CAMK1D: variants seen among roughly 807,000 people sequenced by gnomAD.
CAMK1D encodes the protein calcium/calmodulin dependent protein kinase ID.
CAMK1D carries 9 observed loss-of-function variants against 47.7 expected under a neutral mutation model. The observed-to-expected ratio is 0.19, with a 90% CI of 0.11 to 0.33. The LOEUF (loss-of-function observed/expected upper bound fraction) is 0.33. Among genes scored for constraint, CAMK1D ranks in the 10% least tolerant of loss-of-function variants. The pLI is 1.00. For missense variants in CAMK1D, 291 were observed against 488.7 expected, an observed-to-expected ratio of 0.60 and a Z score of 3.81; for synonymous variants, 184 against 184.9, an observed-to-expected ratio of 0.99 and a Z score of 0.04.
intron 1 of CAMK1D, among the ~76,000 whole-genome samples, chr10:12,419,317 G>A (rs1487672381): frequency 6.6e-6 from 1 of 152,058 alleles, no homozygotes; most frequent in African/African-American, 2.4e-5. Flanking sequence ...TGGGAGCCTG[G>A]GGCCACGGAA....
intron 2 of CAMK1D, among the ~76,000 whole-genome samples, chr10:12,591,266 T>TA (rs1837986481): frequency 6.6e-6 from 1 of 152,220 alleles, no homozygotes; most frequent in Non-Finnish European, 1.5e-5. Context: ...ATAACCCCTG[T>TA]AGCAATTGGC....
At chr10:12,790,528 C>T (rs535302121) in intron 5 of CAMK1D, among the ~76,000 whole-genome samples, 9 of 152,252 alleles carry the variant, frequency 5.9e-5, no homozygotes, top group South Asian at 4.1e-4. Flanking sequence ...GTGCTTAGTA[C>T]GGCACTGCCA....
chr10:12,380,749 A>C (rs992884028), intron 1 of CAMK1D, among the ~76,000 whole-genome samples: 1 of 152,120 alleles, frequency 6.6e-6, no homozygotes, highest in Non-Finnish European at 1.5e-5. Flanking sequence ...CCAGCTACTC[A>C]TCAGGCTGAG....
chr10:12,510,512 C>CCA, intron 1 of CAMK1D, among the ~76,000 whole-genome samples: 1 of 152,356 alleles, frequency 6.6e-6, no homozygotes, highest in South Asian at 2.1e-4. Context: ...CTTTTACCTA[C>CCA]CACACAAACA....
intron 3 of CAMK1D, among the ~76,000 whole-genome samples, chr10:12,723,582 C>G (rs1834489045): frequency 6.6e-6 from 1 of 152,148 alleles, no homozygotes; most frequent in African/African-American, 2.4e-5. Flanking sequence ...GTAAGCTCAT[C>G]ACTAATCAGC....
At chr10:12,417,633 C>T (rs1839899787) in intron 1 of CAMK1D, among the ~76,000 whole-genome samples, 1 of 152,110 alleles carries the variant, frequency 6.6e-6, no homozygotes. Flanking sequence ...GTTTCCTCTA[C>T]CTCCTGGCTC....
chr10:12,691,411 ATATATATATATTTTTTTTTTTTTTT>A (rs1832915460), intron 3 of CAMK1D, among the ~76,000 whole-genome samples: 1 of 2,174 alleles, frequency 4.6e-4, no homozygotes, highest in African/African-American at 1.9e-3. Context: ...ATAAATATAT[ATATATATATATTTTTTTTTTTTTTT>A]TTTTTTTTTT....
intron 2 of CAMK1D, among the ~76,000 whole-genome samples, chr10:12,556,997 G>A (rs1307692279): frequency 6.6e-6 from 1 of 152,182 alleles, no homozygotes; most frequent in Admixed American, 6.5e-5. Flanking sequence ...GATTCGGAAG[G>A]AATGGGGAGA....
intron 1 of CAMK1D, among the ~76,000 whole-genome samples, chr10:12,523,299 G>C (rs899188397): frequency 6.6e-6 from 1 of 150,596 alleles, no homozygotes; most frequent in Non-Finnish European, 1.5e-5. Flanking sequence ...CTTCTCAGAC[G>C]ATGGGCGGCC....
chr10:12,429,141 A>C (rs1840352962), intron 1 of CAMK1D, among the ~76,000 whole-genome samples: 3 of 151,376 alleles, frequency 2.0e-5, no homozygotes, highest in East Asian at 1.9e-4. Flanking sequence ...CACCCCTGCC[A>C]CTCTGGCTTG....
At chr10:12,418,550 G>T (rs1176182213) in intron 1 of CAMK1D, among the ~76,000 whole-genome samples, 1 of 152,176 alleles carries the variant, frequency 6.6e-6, no homozygotes, top group East Asian at 1.9e-4. Flanking sequence ...TGAGGCTGCA[G>T]TGAGCTAGGA....
intron 1 of CAMK1D, among the ~76,000 whole-genome samples, chr10:12,501,844 C>T (rs1834714168): frequency 1.0e-5 from 1 of 98,134 alleles, no homozygotes. Flanking sequence ...TGGTATGTCT[C>T]AAGGGTGTGG....
chr10:12,562,988 A>G (rs1263266340), intron 2 of CAMK1D, among the ~76,000 whole-genome samples: 1 of 152,224 alleles, frequency 6.6e-6, no homozygotes, highest in East Asian at 1.9e-4. Flanking sequence ...TAGTTCTCCA[A>G]AGAAACAGAA....
At chr10:12,448,887 T>C (rs1832999527) in intron 1 of CAMK1D, among the ~76,000 whole-genome samples, 2 of 149,318 alleles carry the variant, frequency 1.3e-5, no homozygotes, top group African/African-American at 4.9e-5. Flanking sequence ...TAGGGCTCCG[T>C]GGTTTTGGTG....
intron 1 of CAMK1D, among the ~76,000 whole-genome samples, chr10:12,535,882 G>T (rs764770607): frequency 6.6e-6 from 1 of 152,142 alleles, no homozygotes; most frequent in African/African-American, 2.4e-5. Context: ...TGGAGTTGTG[G>T]TGTGTTATCT....
intron 8 of CAMK1D, among the ~76,000 whole-genome samples, chr10:12,819,249 C>A (rs1024885460): frequency 6.6e-6 from 1 of 152,210 alleles, no homozygotes; most frequent in African/African-American, 2.4e-5. Context: ...AGGCTTGCCC[C>A]AGGCCAGCGG....
intron 1 of CAMK1D, among the ~76,000 whole-genome samples, chr10:12,382,543 G>T (rs902762205): frequency 5.9e-5 from 9 of 152,130 alleles, no homozygotes; most frequent in African/African-American, 2.2e-4. Context: ...TTAAAAACCA[G>T]GATGGGCATG....
At chr10:12,722,301 C>T (rs1340489644) in intron 3 of CAMK1D, among the ~76,000 whole-genome samples, 1 of 151,574 alleles carries the variant, frequency 6.6e-6, no homozygotes, top group Non-Finnish European at 1.5e-5. Context: ...AAACAATTAG[C>T]CGGGCTTGGT....
intron 2 of CAMK1D, among the ~76,000 whole-genome samples, chr10:12,625,993 C>T (rs1390943774): frequency 6.6e-6 from 1 of 152,150 alleles, no homozygotes; most frequent in Non-Finnish European, 1.5e-5. Context: ...ATATATTCAT[C>T]ATAACAAGTC....
Sources: allele counts gnomAD v4.1 joint callset (sites outside exome capture counted in the v4.1 genomes callset), GRCh38; gene constraint gnomAD v4.1.1; transcripts MANE v1.5; gene names NCBI Gene and HGNC (gene_info 2026-07-23, HGNC 2026-07-21).